LURAP1L: variants seen among roughly 807,000 people sequenced by gnomAD.
LURAP1L encodes leucine rich adaptor protein 1-like.
Under a neutral mutation model 13.8 loss-of-function variants are expected in LURAP1L, and 12 were observed. The ratio of observed to expected loss-of-function variants is 0.87; its 90% confidence interval spans 0.56 to 1.41. The LOEUF (loss-of-function observed/expected upper bound fraction) is 1.41. Ranked by LOEUF, LURAP1L falls within the 40% of genes most tolerant of loss-of-function variation. The probability of loss-of-function intolerance (pLI) is 0.00; values close to 1 mark genes in which losing one functional copy is unlikely to be tolerated. For synonymous variants in LURAP1L, 139 were observed against 119.2 expected, an observed-to-expected ratio of 1.17 and a Z score of -1.08; for missense variants, 375 against 292.9, an observed-to-expected ratio of 1.28 and a Z score of -2.04.
intron 1 of LURAP1L, among the ~76,000 whole-genome samples, chr9:12,778,502 G>A (rs927348891): frequency 1.6e-4 from 25 of 152,166 alleles, no homozygotes; most frequent in Admixed American, 5.2e-4. Flanking sequence ...GCAGTAATGA[G>A]CATTACATCA....
intron 1 of LURAP1L, among the ~76,000 whole-genome samples, chr9:12,796,001 C>T (rs1420844811): frequency 1.3e-5 from 2 of 151,960 alleles, no homozygotes; most frequent in Non-Finnish European, 2.9e-5. Flanking sequence ...TTGTTTTCTT[C>T]CTATCAGGTA....
At chr9:12,817,611 A>C (rs1489449170) in intron 1 of LURAP1L, among the ~76,000 whole-genome samples, 1 of 152,176 alleles carries the variant, frequency 6.6e-6, no homozygotes, top group African/African-American at 2.4e-5. Context: ...CCTTTAGGAG[A>C]TCTCAACTCT....
At chr9:12,814,234 C>A (rs539225038) in intron 1 of LURAP1L, 27 of 152,212 alleles carry the variant, frequency 1.8e-4, no homozygotes, top group African/African-American at 6.3e-4. Context: ...CCCTGGTCTA[C>A]CATGTGAAAA....
intron 1 of LURAP1L, among the ~76,000 whole-genome samples, chr9:12,817,680 A>G (rs566111949): frequency 1.6e-4 from 24 of 152,314 alleles, no homozygotes; most frequent in African/African-American, 5.8e-4. Flanking sequence ...GGAACCACAC[A>G]GTTTCATGCT....
intron 1 of LURAP1L, among the ~76,000 whole-genome samples, chr9:12,789,454 G>C (rs1260483680): frequency 2.6e-5 from 4 of 152,074 alleles, no homozygotes; most frequent in Admixed American, 2.6e-4. Flanking sequence ...TTGTTTTCCT[G>C]AACATGCTAC....
chr9:12,801,047 A>G (rs1819579235), intron 1 of LURAP1L, among the ~76,000 whole-genome samples: 1 of 152,310 alleles, frequency 6.6e-6, no homozygotes, highest in Admixed American at 6.5e-5. Flanking sequence ...GTTAATTATG[A>G]TACCTAGGTA....
rs1586890086 is a variant in LURAP1L, at chr9:12,821,833, G to A, written c.*73G>A. 1.3e-6 allele frequency: 2 copies of A among 1,502,240 alleles called. No individual in the cohort carries two copies. Among genetic ancestry groups the A allele is most frequent in the Non-Finnish European group, 1.8e-6 (2 of 1,126,212 alleles). The allele number at this position is 1,502,240 out of a possible 1,614,324, so 93.1% of individuals were successfully genotyped here. ...CTTCTTCTCCGCTGCTATATTTTTG[G>A]TGTGATTTTTATTTTAATAAGATGA... On this transcript the variant is annotated 3_prime_UTR_variant, in exon 2 of 2. Coordinates refer to ENST00000319264, the MANE Select transcript of LURAP1L (RefSeq NM_203403.2).
chr9:12,791,635 C>A (rs893289562), intron 1 of LURAP1L, among the ~76,000 whole-genome samples: 1 of 150,936 alleles, frequency 6.6e-6, no homozygotes, highest in South Asian at 2.1e-4. Flanking sequence ...TTCTCATTCT[C>A]CCCCGCCCTC....
Position 12,775,882 on chromosome 9 carries a change from G to A in LURAP1L, c.167G>A (p.Cys56Tyr), listed in dbSNP as rs763929087. Reference sequence around the variant, plus strand: ...GGTGGTGGCGGCGGCGGCGGCGGCTGCAGTAGCAGCAGCAGCTACTGCAGC... The same window carrying A: ...GGTGGTGGCGGCGGCGGCGGCGGCTACAGTAGCAGCAGCAGCTACTGCAGC... ...SGGGGGGGGG[C>Y]SSSSSYCSFP... is the part of the protein sequence containing the mutation. Residue 56 changes from cysteine (C) to tyrosine (Y), a missense_variant, in exon 1 of 2, where the codon TGC (cysteine) becomes TAC (tyrosine). Coordinates refer to ENST00000319264, the MANE Select transcript of LURAP1L (RefSeq NM_203403.2). 3 of 1,569,072 alleles carry A rather than the reference G, an allele frequency of 1.9e-6. No individual in the cohort carries two copies. The South Asian group carries it at 3.4e-5, about 18-fold the overall frequency.
At chr9:12,783,943 C>G (rs1467653971) in intron 1 of LURAP1L, among the ~76,000 whole-genome samples, 2 of 151,242 alleles carry the variant, frequency 1.3e-5, no homozygotes, top group African/African-American at 4.9e-5. Context: ...TCTTTCTTCT[C>G]CTTGATCAGT....
chr9:12,800,116 A>G (rs1819564103), intron 1 of LURAP1L, among the ~76,000 whole-genome samples: 1 of 152,170 alleles, frequency 6.6e-6, no homozygotes, highest in Non-Finnish European at 1.5e-5. Context: ...CATGCTGTGC[A>G]TTAGATTCCT....
At chr9:12,794,845 T>C (rs1819491051) in intron 1 of LURAP1L, among the ~76,000 whole-genome samples, 1 of 151,658 alleles carries the variant, frequency 6.6e-6, no homozygotes, top group African/African-American at 2.4e-5. Flanking sequence ...TTTTTAGGCA[T>C]CAACTATATT....
chr9:12,782,427 T>C (rs1484432639), intron 1 of LURAP1L, among the ~76,000 whole-genome samples: 1 of 152,244 alleles, frequency 6.6e-6, no homozygotes, highest in Non-Finnish European at 1.5e-5. Flanking sequence ...TGGCAAGAGA[T>C]AGGGGTCTAG....
Position 12,821,535 on chromosome 9 carries a change from G to C in LURAP1L, c.462G>C (p.Glu154Asp), listed in dbSNP as rs779640969. 8.1e-6 allele frequency: 13 copies of C among 1,614,184 alleles called. No homozygotes were observed. Among genetic ancestry groups the C allele is most frequent in the Non-Finnish European group, 1.1e-5 (13 of 1,180,034 alleles). ...GTGGCAGCCTGTGCAGTTTGTTGGA[G>C]AGTCAGAGCACCTCCTTACGTGGCA... Reference protein sequence around the residue: ...SLSGSLCSLLESQSTSLRGSY... With the variant: ...SLSGSLCSLLDSQSTSLRGSY... Residue 154 changes from glutamate to aspartate, a missense_variant, in exon 2 of 2, where the codon GAG becomes GAC. Glu to Asp is a conservative substitution (Grantham distance 45). Coordinates refer to ENST00000319264, the MANE Select transcript of LURAP1L (RefSeq NM_203403.2).
chr9:12,814,455 G>A (rs1394479745), intron 1 of LURAP1L: 2 of 152,174 alleles, frequency 1.3e-5, no homozygotes, highest in Non-Finnish European at 2.9e-5. Context: ...GCACATTCAT[G>A]TTGAAAATAT....
chr9:12,810,578 G>T (rs1393591968), intron 1 of LURAP1L, among the ~76,000 whole-genome samples: 2 of 152,054 alleles, frequency 1.3e-5, no homozygotes, highest in East Asian at 3.9e-4. Flanking sequence ...TTTAAGAATG[G>T]CACTATATTT....
At chr9:12,809,053 G>A (rs552394935) in intron 1 of LURAP1L, among the ~76,000 whole-genome samples, 1 of 152,256 alleles carries the variant, frequency 6.6e-6, no homozygotes, top group African/African-American at 2.4e-5. Context: ...CATGCTGAGA[G>A]AGGGAAAGTG....
intron 1 of LURAP1L, among the ~76,000 whole-genome samples, chr9:12,782,288 C>T (rs189701578): frequency 1.1e-3 from 168 of 152,236 alleles, no homozygotes; most frequent in African/African-American, 3.8e-3. Flanking sequence ...ATTTTTGCTT[C>T]GGTTGCCTAT....
At chr9:12,784,388 G>GTATT (rs1420153955) in intron 1 of LURAP1L, among the ~76,000 whole-genome samples, 1 of 152,174 alleles carries the variant, frequency 6.6e-6, no homozygotes, top group Non-Finnish European at 1.5e-5. Context: ...TCAGATCTAA[G>GTATT]TATTTGCCTA....
Sources: allele counts gnomAD v4.1 joint callset (sites outside exome capture counted in the v4.1 genomes callset), GRCh38; gene constraint gnomAD v4.1.1; transcripts MANE v1.5; gene names NCBI Gene and HGNC (gene_info 2026-07-23, HGNC 2026-07-21).